Variants in PROSER2 observed in about 807,000 individuals in gnomAD.
PROSER2 encodes proline and serine rich 2, also known as proline and serine-rich protein 2.
A neutral mutation model predicts 14.6 loss-of-function variants in PROSER2; 18 were observed. The observed-to-expected ratio is 1.23, with a 90% CI of 0.85 to 1.83. The LOEUF (loss-of-function observed/expected upper bound fraction) is 1.83. Ranked by LOEUF, PROSER2 falls within the 40% of genes most tolerant of loss-of-function variation. The pLI, the probability that PROSER2 is intolerant of heterozygous loss-of-function variation, is 0.00. For missense variants in PROSER2, 823 were observed against 629.8 expected, an observed-to-expected ratio of 1.31 and a Z score of -3.28; for synonymous variants, 367 against 286.4, an observed-to-expected ratio of 1.28 and a Z score of -2.84.
chr10:11,854,560 C>T (rs1834086310), intron 2 of PROSER2, among the ~76,000 whole-genome samples: 1 of 151,846 alleles, frequency 6.6e-6, no homozygotes, highest in Non-Finnish European at 1.5e-5. Context: ...ATCCTCCTGC[C>T]TCAGCCTTCG....
At chr10:11,853,953 GT>G (rs1834076589) in intron 2 of PROSER2, among the ~76,000 whole-genome samples, 1 of 152,140 alleles carries the variant, frequency 6.6e-6, no homozygotes. Flanking sequence ...CTCTCTGTCT[GT>G]TCCCTGCCGT....
intron 2 of PROSER2, among the ~76,000 whole-genome samples, chr10:11,860,509 C>T (rs113010120): frequency 9.8e-4 from 149 of 151,712 alleles, no homozygotes; most frequent in African/African-American, 3.3e-3. Context: ...CCAGCTACTC[C>T]GGATCCTGAG....
At chr10:11,834,673 T>G (rs1396085553) in intron 1 of PROSER2, among the ~76,000 whole-genome samples, 1 of 151,988 alleles carries the variant, frequency 6.6e-6, no homozygotes, top group African/African-American at 2.4e-5. Flanking sequence ...TGGTGGAGGT[T>G]GCAGTGAGCC....
chr10:11,843,237 GC>G (rs1389929880), intron 1 of PROSER2, among the ~76,000 whole-genome samples: 1 of 147,432 alleles, frequency 6.8e-6, no homozygotes, highest in Admixed American at 6.8e-5. Flanking sequence ...ACCGCACCCA[GC>G]CTTGCCATTG....
chr10:11,861,111 TAAC>T (rs1433262305), intron 2 of PROSER2, among the ~76,000 whole-genome samples: 1 of 152,256 alleles, frequency 6.6e-6, no homozygotes, highest in Non-Finnish European at 1.5e-5. Context: ...TAAAAAATAA[TAAC>T]AAATTGTTTC....
At chr10:11,848,964 G>A (rs551854364) in intron 1 of PROSER2, among the ~76,000 whole-genome samples, 3 of 152,200 alleles carry the variant, frequency 2.0e-5, no homozygotes, top group African/African-American at 4.8e-5. Context: ...CGAGGCGGGC[G>A]GATCACAAGG....
In PROSER2 at chr10:11,866,434, TG is replaced by T; in HGVS notation, c.139-94del. The T allele has an allele frequency of 6.8e-7, 1 of 1,475,222 alleles. No homozygotes were observed. Among genetic ancestry groups the T allele is most frequent in the Non-Finnish European group, 9.3e-7 (1 of 1,077,208 alleles). The allele number at this position is 1,475,222 out of a possible 1,614,324, so 91.4% of individuals were successfully genotyped here. ...TCTCGGGACACAGTGAGTTCCGCCC[TG>T]GGCTGTGGACCAATCCCAACTTTGC... On this transcript the variant is annotated intron_variant, in intron 2 of 3. Coordinates refer to ENST00000277570, the MANE Select transcript of PROSER2 (RefSeq NM_153256.4). This position sits in a 1 kb window ranked among gnomAD's most constrained non-coding sequence, Gnocchi z 6.0.
In PROSER2 at chr10:11,872,016, A is replaced by C. The variant is rs560550811; in HGVS notation, c.*1610A>C. The C allele has an allele frequency of 6.6e-6, 1 of 152,224 alleles. No homozygotes were observed. The highest frequency in any genetic ancestry group is 2.4e-5 in the African/African-American group (1 of 41,446). 9.4% of individuals were successfully genotyped at this position (152,224 alleles called of 1,614,324 possible). On this transcript the variant is annotated 3_prime_UTR_variant, in exon 4 of 4. Coordinates refer to ENST00000277570, the MANE Select transcript of PROSER2 (RefSeq NM_153256.4). ...ACAGCTTTCAAAAGTAGTTACTGTA[A>C]ATTTTACTCCTGTTAATGCTGGATT... is the stretch of plus-strand genomic sequence containing the variant.
In PROSER2 at chr10:11,866,659, C is replaced by G; in HGVS notation, c.267C>G (p.Leu89=). 6.2e-7 allele frequency: 1 copy of G among 1,614,184 alleles called. No homozygotes were observed. Among genetic ancestry groups the G allele is most frequent in the South Asian group, 1.1e-5 (1 of 91,072 alleles). ...TGTGCGATGGAGGAGTGTGCTGCCT[C>G]TGCTCCCCGTCTCTGGAGGAGAGCA... ...PVLCDGGVCC[L]CSPSLEESTS... is the part of the protein sequence containing the mutation. The change falls in exon 3 of 4, where the codon CTC becomes CTG. Residue 89 remains leucine, a synonymous_variant. Transcript: ENST00000277570. This position sits in a 1 kb window ranked among gnomAD's most constrained non-coding sequence, Gnocchi z 6.0.
intron 1 of PROSER2, among the ~76,000 whole-genome samples, chr10:11,825,386 C>T (rs1355150459): frequency 2.0e-5 from 3 of 152,160 alleles, no homozygotes; most frequent in Non-Finnish European, 4.4e-5. Flanking sequence ...CGGTGAAGGC[C>T]ATCGTTGCGT....
In PROSER2 at chr10:11,852,144, C is replaced by G; in HGVS notation, c.67C>G (p.Leu23Val). Residue 23 changes from leucine to valine, a missense_variant, in exon 2 of 4, where the codon CTC (leucine) becomes GTC (valine). By Grantham distance (32) the Leu-to-Val change is conservative (BLOSUM62 1). Transcript: ENST00000277570. ...CTCAGACACGTCCCCCAGCTGCAGG[C>G]TCCGAGCCTTCAGCAGAGGCGGCAG... Reference protein sequence around the residue: ...MNSDTSPSCRLRAFSRGGSLE... With the variant: ...MNSDTSPSCRVRAFSRGGSLE... 6.2e-7 allele frequency: 1 copy of G among 1,613,600 alleles called. No homozygotes were observed. Among genetic ancestry groups the G allele is most frequent in the Non-Finnish European group, 8.5e-7 (1 of 1,179,814 alleles).
intron 2 of PROSER2, among the ~76,000 whole-genome samples, chr10:11,861,644 C>A (rs551262862): frequency 1.7e-4 from 26 of 152,150 alleles, no homozygotes; most frequent in Non-Finnish European, 3.5e-4. Flanking sequence ...CAAACCATAG[C>A]CTGTGGCCCG....
rs1310952104 is a variant in PROSER2, at chr10:11,839,573, TCCCAGCATTTTGAGAGG to T, written c.-81-12421_-81-12405del. On this transcript the variant is annotated intron_variant, in intron 1 of 3. Coordinates refer to ENST00000277570, the MANE Select transcript of PROSER2 (RefSeq NM_153256.4). ...TGGGCGCGGTGGCTCACGCCTGTAC[TCCCAGCATTTTGAGAGG>T]CCAAGGTGGGCAGATCATAAGGTCA... 2.6e-5 allele frequency among the ~76,000 whole-genome samples: 4 copies of T among 152,296 alleles called. No homozygotes were observed. In the East Asian group the frequency reaches 7.7e-4, roughly 29 times the overall value.
chr10:11,852,607 C>A (rs889426433), intron 2 of PROSER2, among the ~76,000 whole-genome samples: 1 of 152,058 alleles, frequency 6.6e-6, no homozygotes, highest in African/African-American at 2.4e-5. Flanking sequence ...GCAACCTCCG[C>A]CTCCCAACTT....
rs987459619 is a variant in PROSER2 at position 11,865,626 on chromosome 10, C to G, written c.139-905C>G. Among the ~76,000 whole-genome samples, 1 of 152,146 alleles carries G rather than the reference C, an allele frequency of 6.6e-6. No individual in the cohort carries two copies. Among genetic ancestry groups the G allele is most frequent in the Non-Finnish European group, 1.5e-5 (1 of 68,014 alleles). ...AACCCTTGGGATCAGCCTTTTTTGGCTCTTGGATTCCTCGGGTTCCCCAGA... is the reference window on the plus strand; with the variant it reads ...AACCCTTGGGATCAGCCTTTTTTGGGTCTTGGATTCCTCGGGTTCCCCAGA... On this transcript the variant is annotated intron_variant, in intron 2 of 3. Transcript: ENST00000277570. The surrounding 1 kb of genome is among the most constrained non-coding windows in gnomAD (Gnocchi z 4.2).
intron 2 of PROSER2, among the ~76,000 whole-genome samples, chr10:11,858,173 T>C (rs1400787804): frequency 6.6e-6 from 1 of 152,138 alleles, no homozygotes; most frequent in Non-Finnish European, 1.5e-5. Context: ...TCCTGGCCTC[T>C]AGTGATTCGG....
At chr10:11,826,668 C>T (rs1169776744) in intron 1 of PROSER2, among the ~76,000 whole-genome samples, 1 of 151,766 alleles carries the variant, frequency 6.6e-6, no homozygotes, top group Non-Finnish European at 1.5e-5. Flanking sequence ...AGCTCTGCCT[C>T]CCGTGTTCAC....
At chr10:11,864,026 G>C (rs778898080) in intron 2 of PROSER2, among the ~76,000 whole-genome samples, 1 of 152,082 alleles carries the variant, frequency 6.6e-6, no homozygotes, top group Non-Finnish European at 1.5e-5. Context: ...ACCTGGCTCC[G>C]TGTCTTCTGT....
At position 11,866,806 on chromosome 10, in the gene PROSER2, C is replaced by T. The variant is rs371963511; in HGVS notation, c.391+23C>T. On this transcript the variant is annotated intron_variant, in intron 3 of 3. Transcript: ENST00000277570. The surrounding 1 kb of genome is among the most constrained non-coding windows in gnomAD (Gnocchi z 6.0). ...CAGGTGAGGGGGAAGACAGGCCATC[C>T]CTGGGATGTGGTTTCCTGGTGTCTG... 1.9e-5 allele frequency: 31 copies of T among 1,599,682 alleles called. No homozygotes were observed. The highest frequency in any genetic ancestry group is 4.1e-4 in the Middle Eastern group (2 of 4,826).
Sources: allele counts gnomAD v4.1 joint callset (sites outside exome capture counted in the v4.1 genomes callset), GRCh38; gene constraint gnomAD v4.1.1; non-coding constraint Gnocchi (gnomAD v3.1); transcripts MANE v1.5; gene names NCBI Gene and HGNC (gene_info 2026-07-23, HGNC 2026-07-21).